Variants in PCNX1 observed in about 807,000 individuals in gnomAD.
PCNX1 encodes pecanex 1.
In PCNX1, 78 loss-of-function variants were observed where a neutral mutation model predicts 242.2. The ratio of observed to expected loss-of-function variants is 0.32; its 90% CI spans 0.27 to 0.39. The LOEUF (loss-of-function observed/expected upper bound fraction) is 0.39. Among genes scored for constraint, PCNX1 ranks in the 10% least tolerant of loss-of-function variants. The pLI, the probability that PCNX1 is intolerant of heterozygous loss-of-function variation, is 1.00. For missense variants in PCNX1, 2,581 were observed against 2,856.5 expected (o/e 0.90, Z 2.20); for synonymous variants, 1,024 against 1,032.9 (o/e 0.99, Z 0.17).
intron 1 of PCNX1, among the ~76,000 whole-genome samples, chr14:70,924,800 G>A (rs2056522663): frequency 6.6e-6 from 1 of 152,010 alleles, no homozygotes; most frequent in Non-Finnish European, 1.5e-5. Context: ...TGTTGCCCAG[G>A]CTGGTCTTGA....
At chr14:71,018,723 A>G (rs1392279953) in intron 11 of PCNX1, among the ~76,000 whole-genome samples, 2 of 152,206 alleles carry the variant, frequency 1.3e-5, no homozygotes, top group African/African-American at 2.4e-5. Flanking sequence ...TAGAAAAGCA[A>G]ATATTAAGGA....
At chr14:71,067,034 C>A (rs2061464470) in intron 26 of PCNX1, among the ~76,000 whole-genome samples, 1 of 151,598 alleles carries the variant, frequency 6.6e-6, no homozygotes, top group South Asian at 2.1e-4. Flanking sequence ...AGGATTTTCT[C>A]ATTGATGTTC....
intron 28 of PCNX1, among the ~76,000 whole-genome samples, chr14:71,085,992 C>CT (rs1229530442): frequency 6.6e-6 from 1 of 152,172 alleles, no homozygotes; most frequent in Admixed American, 6.5e-5. Flanking sequence ...CCCTGACGCC[C>CT]TGTTCATTTA....
rs373362550 is a variant in PCNX1, at chr14:70,978,364, G to A, written c.2027G>A (p.Arg676Gln). 2.6e-5 allele frequency: 42 copies of A among 1,614,086 alleles called. No homozygotes were observed. Among genetic ancestry groups the A allele is most frequent in the East Asian group, 4.5e-5 (2 of 44,904 alleles). ...GGAACCAGCAAAAAGCGTGCAACAC[G>A]ACGGACTTCTAGCACAAATAGTGCC... ...PEGTSKKRAT[R>Q]RTSSTNSAKT... is the part of the protein sequence containing the mutation. The change falls in exon 6 of 36, where the codon CGA (arginine) becomes CAA (glutamine). Residue 676 changes from arginine (R) to glutamine (Q), a missense_variant. This residue lies in a region of PCNX1 where 1,204 missense variants were observed against 1,216.7 expected (regional missense o/e 0.99). Transcript: ENST00000304743.
At chr14:70,923,762 T>C (rs533082108) in intron 1 of PCNX1, among the ~76,000 whole-genome samples, 1 of 152,334 alleles carries the variant, frequency 6.6e-6, no homozygotes, top group African/African-American at 2.4e-5. Flanking sequence ...CCTGGATGTA[T>C]TATTTAACCT....
chr14:70,908,204 G>T (rs1235415747), intron 1 of PCNX1, among the ~76,000 whole-genome samples: 1 of 152,082 alleles, frequency 6.6e-6, no homozygotes, highest in Non-Finnish European at 1.5e-5. Flanking sequence ...CGAGCAACGA[G>T]CCCACGGCAA....
At chr14:71,086,630 C>T (rs374413437) in intron 28 of PCNX1, among the ~76,000 whole-genome samples, 1 of 152,180 alleles carries the variant, frequency 6.6e-6, no homozygotes, top group African/African-American at 2.4e-5. Flanking sequence ...GTATTCCATT[C>T]GGATGATTCT....
chr14:71,074,690 G>A (rs1467338803), intron 27 of PCNX1, among the ~76,000 whole-genome samples: 1 of 152,110 alleles, frequency 6.6e-6, no homozygotes, highest in Non-Finnish European at 1.5e-5. Context: ...ACGTCCAGAG[G>A]TCATGCTGAT....
intron 1 of PCNX1, among the ~76,000 whole-genome samples, chr14:70,916,164 A>G (rs560773091): frequency 6.6e-6 from 1 of 152,322 alleles, no homozygotes; most frequent in African/African-American, 2.4e-5. Context: ...AAAGTGAACT[A>G]TCAAGGGATG....
At chr14:70,998,439 T>C (rs1309849034) in intron 8 of PCNX1, among the ~76,000 whole-genome samples, 1 of 152,072 alleles carries the variant, frequency 6.6e-6, no homozygotes, top group Non-Finnish European at 1.5e-5. Context: ...ATTTGAATTA[T>C]AAGTGGCTTA....
intron 8 of PCNX1, among the ~76,000 whole-genome samples, chr14:70,999,215 A>T (rs2059436427): frequency 6.6e-6 from 1 of 152,170 alleles, no homozygotes; most frequent in African/African-American, 2.4e-5. Context: ...AATTAAGACT[A>T]ATAAGTTGAT....
chr14:71,049,151 TA>T, intron 22 of PCNX1: 1 of 815,042 alleles, frequency 1.2e-6, no homozygotes, highest in Non-Finnish European at 1.5e-6. Flanking sequence ...ATAAAGTAAA[TA>T]ATCTTTGAAA....
intron 15 of PCNX1, among the ~76,000 whole-genome samples, chr14:71,028,074 A>C (rs2060285054): frequency 6.6e-6 from 1 of 151,942 alleles, no homozygotes; most frequent in Non-Finnish European, 1.5e-5. Flanking sequence ...AAGTCTAGAT[A>C]TCTTAGCCAT....
chr14:70,939,698 T>C (rs948365626), intron 1 of PCNX1, among the ~76,000 whole-genome samples: 2 of 152,232 alleles, frequency 1.3e-5, no homozygotes, highest in Admixed American at 6.5e-5. Flanking sequence ...GATCACTTTC[T>C]GTCTCGTTGA....
chr14:70,911,788 T>A (rs1263216271), intron 1 of PCNX1, among the ~76,000 whole-genome samples: 1 of 152,168 alleles, frequency 6.6e-6, no homozygotes, highest in Non-Finnish European at 1.5e-5. Flanking sequence ...TCAGTAAATG[T>A]CATTTGAAAA....
At chr14:71,059,567 A>G (rs1595399136) in intron 26 of PCNX1, among the ~76,000 whole-genome samples, 1 of 151,622 alleles carries the variant, frequency 6.6e-6, no homozygotes, top group East Asian at 1.9e-4. Flanking sequence ...TTTAATTTTT[A>G]CTTTTGTATA....
chr14:70,955,124 GA>G (rs2057943499), intron 2 of PCNX1, among the ~76,000 whole-genome samples: 1 of 152,130 alleles, frequency 6.6e-6, no homozygotes. Context: ...ATCTTTTAGA[GA>G]AAGAATCAGT....
intron 30 of PCNX1, among the ~76,000 whole-genome samples, chr14:71,092,182 G>A (rs1425371382): frequency 6.6e-6 from 1 of 152,186 alleles, no homozygotes; most frequent in African/African-American, 2.4e-5. Context: ...TCCATCTTAA[G>A]GACAAGTGTG....
intron 18 of PCNX1, among the ~76,000 whole-genome samples, chr14:71,034,324 T>G (rs2060471205): frequency 6.6e-6 from 1 of 152,158 alleles, no homozygotes; most frequent in Non-Finnish European, 1.5e-5. Context: ...TCCTATTTGA[T>G]TTAGACTAGG....
Sources: allele counts gnomAD v4.1 joint callset (sites outside exome capture counted in the v4.1 genomes callset), GRCh38; gene constraint gnomAD v4.1.1; regional missense constraint gnomAD v4.1.1; transcripts MANE v1.5; gene names NCBI Gene and HGNC (gene_info 2026-07-23, HGNC 2026-07-21).